Variants in SIGIRR observed in about 807,000 individuals in gnomAD.
SIGIRR encodes the protein single Ig IL-1-related receptor.
In SIGIRR, 41 loss-of-function variants were observed where a neutral mutation model predicts 45.6. That is an observed-to-expected ratio of 0.90 (90% CI 0.70 to 1.17). The LOEUF (loss-of-function observed/expected upper bound fraction) is 1.17. Ranked by LOEUF, SIGIRR falls within the 50% of genes most tolerant of loss-of-function variation. SIGIRR has a pLI of 0.00. For missense variants in SIGIRR, 599 were observed against 539.6 expected, an observed-to-expected ratio of 1.11 and a Z score of -1.09; for synonymous variants, 298 against 239.0, an observed-to-expected ratio of 1.25 and a Z score of -2.28.
At chr11:407,688 C>A in intron 5 of SIGIRR, 120 bp from the exon 6 acceptor site, 1 of 1,559,538 alleles carries the variant, frequency 6.4e-7, no homozygotes, top group East Asian at 2.3e-5. Context: ...GACTTTAACC[C>A]CAGCCGGGCC....
At position 407,513 on chromosome 11, in the gene SIGIRR, C is replaced by G. The variant is rs747334048; in HGVS notation, c.537G>C (p.Lys179Asn). Reference sequence around the variant, plus strand: ...GCGGCTTTAGGATGAAGTTCACGAACTTGCGGTCCTCGGGGCAGTCGCTGT... The same window carrying G: ...GCGGCTTTAGGATGAAGTTCACGAAGTTGCGGTCCTCGGGGCAGTCGCTGT... ...VSYSDCPEDR[K>N]FVNFILKPQL... Residue 179 changes from lysine (K) to asparagine (N), a missense_variant, in exon 6 of 10, where the codon AAG becomes AAC. Physicochemically the swap from Lys to Asn is moderately conservative, Grantham distance 94 (BLOSUM62 0). Transcript: ENST00000431843. 14 of 1,607,546 alleles carry G rather than the reference C, an allele frequency of 8.7e-6. No homozygotes were observed. The highest frequency in any genetic ancestry group is 1.2e-5 in the Non-Finnish European group (14 of 1,177,702).
Position 406,622 on chromosome 11 carries a change from T to A in SIGIRR, c.880-84A>T, listed in dbSNP as rs1564886785. 3 of 1,483,378 alleles carry A rather than the reference T, an allele frequency of 2.0e-6. No homozygotes were observed. In the Admixed American group the frequency reaches 7.2e-5, roughly 35 times the overall value. 91.9% of individuals were successfully genotyped at this position (1,483,378 alleles called of 1,614,324 possible). On this transcript the variant is annotated intron_variant, in intron 8 of 9. Coordinates refer to ENST00000431843, the MANE Select transcript of SIGIRR (RefSeq NM_001135054.2). ...TGGCCCCCAAGAGCACACCTGCGGC[T>A]GCCCACGGGTTCCACGCCCTGCGAC...
rs1193106871 is a variant in SIGIRR, at chr11:405,847, G to A, written c.*49C>T. ...TCCTGTTGAGCAGAGGAGCGACGCC[G>A]CTGCCCTGGCCCCCGCTGTCCCTAT... On this transcript the variant is annotated 3_prime_UTR_variant, in exon 10 of 10. Coordinates refer to ENST00000431843, the MANE Select transcript of SIGIRR (RefSeq NM_001135054.2). 1.9e-6 allele frequency: 3 copies of A among 1,540,006 alleles called. No homozygotes were observed. The highest frequency in any genetic ancestry group is 2.7e-5 in the African/African-American group (2 of 73,014).
intron 4 of SIGIRR, 56 bp from the exon 5 acceptor site, chr11:408,013 C>T: frequency 1.2e-6 from 2 of 1,606,254 alleles, no homozygotes; most frequent in Non-Finnish European, 1.7e-6. Context: ...GCCTCAAGAT[C>T]CCTGGGCCTC....
Position 407,922 on chromosome 11 carries a change from G to C in SIGIRR, c.376C>G (p.Leu126Val), listed in dbSNP as rs756363730. Reference protein sequence around the residue: ...TSHVAAVLASLLVLLALLLAA... With the variant: ...TSHVAAVLASVLVLLALLLAA... Reference sequence around the variant, plus strand: ...AGCAGCAGGGCCAGCAGGACCAGGAGGGAGGCCAGCACCGCAGCCACGTGG... The same window carrying C: ...AGCAGCAGGGCCAGCAGGACCAGGACGGAGGCCAGCACCGCAGCCACGTGG... Residue 126 changes from leucine (L) to valine (V), a missense_variant, in exon 5 of 10, where the codon CTC (leucine) becomes GTC (valine). Transcript: ENST00000431843. 1.2e-6 allele frequency: 2 copies of C among 1,611,962 alleles called. No homozygotes were observed. Among genetic ancestry groups the C allele is most frequent in the Admixed American group, 1.7e-5 (1 of 59,932 alleles).
chr11:411,764 G>A (rs1227250352), intron 1 of SIGIRR, among the ~76,000 whole-genome samples: 4 of 123,732 alleles, frequency 3.2e-5, no homozygotes, highest in African/African-American at 1.2e-4. Context: ...CAGTCGGGGA[G>A]GGGTGCTCAG....
intron 2 of SIGIRR, chr11:409,402 C>A (rs914373953): frequency 1.2e-5 from 3 of 258,436 alleles, no homozygotes; most frequent in African/African-American, 6.6e-5. Context: ...GAGCCTGGAG[C>A]AGTTGGCCTC....
In SIGIRR at chr11:408,725, C is replaced by G. The variant is rs142640604; in HGVS notation, c.176G>C (p.Gly59Ala). 559 of 1,612,638 alleles carry G rather than the reference C, an allele frequency of 3.5e-4. 2 individuals are homozygous for G. Among genetic ancestry groups the G allele is most frequent in the South Asian group, 5.7e-4 (52 of 91,086 alleles). ...WLKDGLPLGI[G>A]GHYSLHEYSW... ...GTACTCGTGGAGGCTGTAGTGGCCC[C>G]CAATTCCCAATGGAAGCCCGTCTTT... Residue 59 changes from glycine (G) to alanine (A), a missense_variant, in exon 3 of 10, where the codon GGG becomes GCG. By Grantham distance (60) the Gly-to-Ala change is moderately conservative. Coordinates refer to ENST00000431843, the MANE Select transcript of SIGIRR (RefSeq NM_001135054.2).
Position 407,427 on chromosome 11 carries a change from G to A in SIGIRR, c.623C>T (p.Ala208Val). Residue 208 changes from alanine (A) to valine (V), a missense_variant and splice_region_variant, in exon 6 of 10, where the codon GCT (alanine) becomes GTT (valine). Transcript: ENST00000431843. The part of the protein sequence containing the change: ...FLDDRDLLPR[A>V]EPSADLLVNL... The stretch of plus-strand genomic sequence containing the variant: ...GCACGGGGTGGGGCCCGGGATACCA[G>A]CGCGCGGCAGGAGGTCGCGGTCGTC... 6.5e-7 allele frequency: 1 copy of A among 1,545,470 alleles called. No homozygotes were observed. Among genetic ancestry groups the A allele is most frequent in the Non-Finnish European group, 8.7e-7 (1 of 1,144,862 alleles).
intron 2 of SIGIRR, chr11:409,428 G>T: frequency 3.8e-6 from 1 of 260,136 alleles, no homozygotes; most frequent in East Asian, 8.6e-5. Flanking sequence ...TGCCTTGGGG[G>T]TCTTGGGGCC....
At chr11:408,266 C>T in intron 3 of SIGIRR, 60 bp from the exon 4 acceptor site, 2 of 1,582,594 alleles carry the variant, frequency 1.3e-6, no homozygotes, top group Non-Finnish European at 8.6e-7. Flanking sequence ...CCCCCGAACC[C>T]CACCTGTCTG....
Position 406,433 on chromosome 11 carries a change from C to G in SIGIRR, c.985G>C (p.Asp329His). ...DPQTQLQDDK[D>H]PMLILRGRVP... ...CGGCCTCGAAGAATCAGCATGGGGT[C>G]CTTGTCGTCCTGCAGCTGCGTCTGG... Residue 329 changes from aspartate to histidine, a missense_variant, in exon 9 of 10, where the codon GAC becomes CAC. Coordinates refer to ENST00000431843, the MANE Select transcript of SIGIRR (RefSeq NM_001135054.2). The G allele has an allele frequency of 6.2e-7, 1 of 1,612,780 alleles. No homozygotes were observed. The highest frequency in any genetic ancestry group is 1.1e-5 in the South Asian group (1 of 91,092).
chr11:406,900 G>A lies in SIGIRR; in HGVS notation c.822C>T (p.Arg274=). ...QRRDPAHPAL[R]LLRQHRHLVT... is the part of the protein sequence containing the mutation. ...CCAGGTGGCGGTGCTGGCGCAGCAG[G>A]CGGAGCGCCGGGTGCGCGGGGTCGC... is the stretch of plus-strand genomic sequence containing the variant. Residue 274 remains arginine, a synonymous_variant, in exon 8 of 10, where the codon CGC becomes CGT. Transcript: ENST00000431843. 1 of 1,589,096 alleles carries A rather than the reference G, an allele frequency of 6.3e-7. No homozygotes were observed. Among genetic ancestry groups the A allele is most frequent in the Non-Finnish European group, 8.5e-7 (1 of 1,173,228 alleles).
chr11:415,601 C>A (rs1309689150), upstream of SIGIRR, among the ~76,000 whole-genome samples: 1 of 152,206 alleles, frequency 6.6e-6, no homozygotes, highest in Non-Finnish European at 1.5e-5. This position sits in a 1 kb window ranked among gnomAD's most constrained non-coding sequence, Gnocchi z 6.6. Context: ...CTCCCCGTCC[C>A]TCTCCCAGAC....
intron 1 of SIGIRR, among the ~76,000 whole-genome samples, chr11:413,562 C>T (rs1447041498): frequency 6.6e-6 from 1 of 151,984 alleles, no homozygotes; most frequent in Non-Finnish European, 1.5e-5. Flanking sequence ...GCCTCAGAGC[C>T]TTCTGGAAGT....
rs527575951 is a variant in SIGIRR, at chr11:406,221, C to T, written c.1069+128G>A. 1.4e-3 allele frequency: 2,127 copies of T among 1,539,940 alleles called. 13 individuals are homozygous for T. The highest frequency in any genetic ancestry group is 1.3e-3 in the Non-Finnish European group (1,540 of 1,147,124). ...GAGCACCTCCAGGGCAGAGGCCGTG[C>T]AGGGGCTCCCGGTGCCGGGAAGAGT... is the stretch of plus-strand genomic sequence containing the variant. On this transcript the variant is annotated intron_variant, in intron 9 of 9. Transcript: ENST00000431843.
chr11:411,151 A>G (rs1195337850), intron 1 of SIGIRR, among the ~76,000 whole-genome samples: 77 of 5,052 alleles, frequency 0.015, no homozygotes, highest in African/African-American at 0.042. Flanking sequence ...GCAGTCGGGG[A>G]GGGGGGTGCC....
intron 1 of SIGIRR, among the ~76,000 whole-genome samples, chr11:412,728 G>C (rs961628498): frequency 7.0e-6 from 1 of 143,216 alleles, no homozygotes; most frequent in Non-Finnish European, 1.5e-5. Flanking sequence ...ATGCAGTCGA[G>C]GGGGGGTGCC....
chr11:406,703 G>C, intron 8 of SIGIRR, 140 bp downstream of exon 8: 1 of 1,411,636 alleles, frequency 7.1e-7, no homozygotes, highest in Non-Finnish European at 9.3e-7. Flanking sequence ...GGGGCCCCAG[G>C]CAGCGGAACC....
Sources: allele counts gnomAD v4.1 joint callset (sites outside exome capture counted in the v4.1 genomes callset), GRCh38; gene constraint gnomAD v4.1.1; non-coding constraint Gnocchi (gnomAD v3.1); transcripts MANE v1.5; gene names NCBI Gene and HGNC (gene_info 2026-07-23, HGNC 2026-07-21).